Variants in YARS1 observed in about 807,000 individuals in gnomAD.
The protein encoded by YARS1 is tyrosine--tRNA ligase, cytoplasmic.
Under a neutral mutation model 62.2 loss-of-function variants are expected in YARS1, and 36 were observed. The ratio of observed to expected loss-of-function variants is 0.58; its 90% CI spans 0.44 to 0.76. YARS1 has a LOEUF of 0.76. Ranked by LOEUF, YARS1 falls within the 30% of genes least tolerant of loss-of-function variation. The probability of loss-of-function intolerance (pLI) is 0.00; values close to 1 mark genes in which losing one functional copy is unlikely to be tolerated. For missense variants in YARS1, 524 were observed against 639.8 expected (o/e 0.82, Z 1.95); for synonymous variants, 234 against 244.9 (o/e 0.96, Z 0.42).
At chr1:32,781,214 G>A (rs755960726) in intron 9 of YARS1, 69 bp from the exon 10 acceptor site, 18 of 1,209,014 alleles carry the variant, frequency 1.5e-5, no homozygotes, top group Middle Eastern at 3.7e-4. Flanking sequence ...ATCCCACCAC[G>A]TTAAGACACT....
intron 4 of YARS1, among the ~76,000 whole-genome samples, chr1:32,800,032 G>C (rs555593513): frequency 7.9e-5 from 12 of 152,076 alleles, no homozygotes; most frequent in Non-Finnish European, 1.6e-4. Context: ...CCAGGCTGGA[G>C]GGCAGTGGCA....
chr1:32,804,421 C>T (rs1638394586), intron 4 of YARS1, among the ~76,000 whole-genome samples: 2 of 151,546 alleles, frequency 1.3e-5, no homozygotes, highest in African/African-American at 4.8e-5. Flanking sequence ...CGGCGGCTGC[C>T]CCCCACCTCC....
chr1:32,786,485 C>A, intron 7 of YARS1, 38 bp from the exon 8 acceptor site: 1 of 1,571,758 alleles, frequency 6.4e-7, no homozygotes, highest in Non-Finnish European at 8.7e-7. Flanking sequence ...AACTCATTGA[C>A]AGCATTCCTA....
At chr1:32,808,320 A>G (rs866371376) in intron 3 of YARS1, among the ~76,000 whole-genome samples, 3 of 151,674 alleles carry the variant, frequency 2.0e-5, no homozygotes, top group African/African-American at 7.3e-5. Flanking sequence ...CGTGGGTTCA[A>G]GCGATTATCC....
At chr1:32,801,942 C>CTTTTTTT (rs34270752) in intron 4 of YARS1, among the ~76,000 whole-genome samples, 13 of 103,886 alleles carry the variant, frequency 1.3e-4, no homozygotes, top group Non-Finnish European at 2.1e-4. Flanking sequence ...CTTGTTATTT[C>CTTTTTTT]TTTTTTTTTT....
intron 12 of YARS1, among the ~76,000 whole-genome samples, chr1:32,777,640 A>C (rs1201605277): frequency 6.6e-6 from 1 of 151,992 alleles, no homozygotes; most frequent in Non-Finnish European, 1.5e-5. Flanking sequence ...TAAAATAAAA[A>C]TCATGGTCAG....
At chr1:32,786,717 C>T (rs1653240251) in intron 7 of YARS1, 3 of 730,278 alleles carry the variant, frequency 4.1e-6, no homozygotes, top group Non-Finnish European at 4.4e-6. Flanking sequence ...CTTCTAACAC[C>T]TCTGCCCACT....
chr1:32,805,941 G>A (rs910795572), intron 4 of YARS1, among the ~76,000 whole-genome samples: 8 of 152,128 alleles, frequency 5.3e-5, no homozygotes, highest in East Asian at 3.8e-4. Flanking sequence ...CAGCCTGGGC[G>A]ACACAGCGAG....
At position 32,781,147 on chromosome 1, in the gene YARS1, T is replaced by C; in HGVS notation, c.1043-2A>G. The C allele has an allele frequency of 6.2e-7, 1 of 1,613,710 alleles. No homozygotes were observed. The highest frequency in any genetic ancestry group is 8.5e-7 in the Non-Finnish European group (1 of 1,179,688). ...TGGCAGGGCCTTTGGCCATTGGCTC[T>C]GGGAATGAGAAGAACCCCATGAGGT... On this transcript the variant is annotated splice_acceptor_variant, in intron 9 of 12. Transcript: ENST00000373477. LOFTEE classifies it high-confidence loss of function.
At chr1:32,788,057 A>T (rs985766283) in intron 6 of YARS1, among the ~76,000 whole-genome samples, 1 of 152,144 alleles carries the variant, frequency 6.6e-6, no homozygotes, top group Non-Finnish European at 1.5e-5. Context: ...GCAGTGAGGC[A>T]TGATCATGCC....
intron 5 of YARS1, among the ~76,000 whole-genome samples, chr1:32,796,119 T>TC (rs1653572849): frequency 6.6e-6 from 1 of 150,560 alleles, no homozygotes; most frequent in Non-Finnish European, 1.5e-5. Context: ...ATAGTGAAAC[T>TC]CCGTCTCTAC....
chr1:32,782,566 G>A (rs1268353058), intron 8 of YARS1, 27 bp from the exon 9 acceptor site: 2 of 1,613,938 alleles, frequency 1.2e-6, no homozygotes, highest in Non-Finnish European at 1.7e-6. Context: ...GACCTAGTGA[G>A]ATAAAGTCTA....
Position 32,775,996 on chromosome 1 carries a change from C to G in YARS1, c.1572G>C (p.Gly524=), listed in dbSNP as rs1434917472. 4 of 1,613,994 alleles carry G rather than the reference C, an allele frequency of 2.5e-6. No individual in the cohort carries two copies. The change falls in exon 13 of 13, where the codon GGG becomes GGC. Residue 524 remains glycine (G), a synonymous_variant. Coordinates refer to ENST00000373477, the MANE Select transcript of YARS1 (RefSeq NM_003680.4). ...GCTGGGCTGGCTAGCTAATGTTCCC[C>G]CCTTTCAGCGATTTACAGGAAATGG... is the stretch of plus-strand genomic sequence containing the variant. The part of the protein sequence containing the change: ...LGSISCKSLK[G]GNIS
intron 3 of YARS1, among the ~76,000 whole-genome samples, chr1:32,808,221 A>ATT (rs58621825): frequency 1.7e-5 from 2 of 118,356 alleles, no homozygotes; most frequent in African/African-American, 3.1e-5. Context: ...CTCCCCCACC[A>ATT]TTTTTTTTTT....
At chr1:32,806,910 G>A (rs1638478109) in intron 3 of YARS1, among the ~76,000 whole-genome samples, 1 of 152,112 alleles carries the variant, frequency 6.6e-6, no homozygotes, top group African/African-American at 2.4e-5. Context: ...AAACTCCTGT[G>A]ACATGTAACA....
At chr1:32,815,254 C>G (rs952070383) in intron 1 of YARS1, among the ~76,000 whole-genome samples, 1 of 152,112 alleles carries the variant, frequency 6.6e-6, no homozygotes, top group Admixed American at 6.5e-5. Context: ...GAGGCTGAGG[C>G]AGGAGAATCA....
chr1:32,787,903 G>C (rs1653289134), intron 6 of YARS1, among the ~76,000 whole-genome samples: 1 of 152,154 alleles, frequency 6.6e-6, no homozygotes, highest in Non-Finnish European at 1.5e-5. Context: ...TTGAGCCCAG[G>C]AGTTCAAGAC....
chr1:32,779,611 G>A lies in YARS1; in HGVS notation c.1335-88C>T. 5 of 1,558,052 alleles carry A rather than the reference G, an allele frequency of 3.2e-6. No homozygotes were observed. The South Asian group carries it at 3.4e-5, about 11-fold the overall frequency. Reference sequence around the variant, plus strand: ...CAAAGCAATCCGGGCCTTTACACAGGGGCCCTGATGGGATTTAGGGCATCC... The same window carrying A: ...CAAAGCAATCCGGGCCTTTACACAGAGGCCCTGATGGGATTTAGGGCATCC... On this transcript the variant is annotated intron_variant, in intron 11 of 12. Coordinates refer to ENST00000373477, the MANE Select transcript of YARS1 (RefSeq NM_003680.4).
intron 4 of YARS1, among the ~76,000 whole-genome samples, chr1:32,803,459 G>T (rs917439879): frequency 3.3e-5 from 5 of 152,030 alleles, no homozygotes; most frequent in African/African-American, 1.2e-4. Context: ...AAAGGCACTA[G>T]GATTTTTGGA....
Sources: gnomAD v4.1 joint callset for allele counts (sites outside exome capture counted in the v4.1 genomes callset) on GRCh38, gnomAD v4.1.1 for gene constraint, MANE v1.5 for transcripts, NCBI Gene and HGNC (gene_info 2026-07-23, HGNC 2026-07-21) for gene names.